SRGAP2B: variants seen among roughly 807,000 people sequenced by gnomAD.
SRGAP2B encodes the protein SLIT-ROBO Rho GTPase activating protein 2B.
Under a neutral mutation model 22.2 loss-of-function variants are expected in SRGAP2B, and 9 were observed. The observed-to-expected ratio is 0.41, with a 90% CI of 0.24 to 0.71. SRGAP2B has a LOEUF of 0.71. Among genes scored for constraint, SRGAP2B ranks in the 30% least tolerant of loss-of-function variants. The pLI is 0.35. For missense variants in SRGAP2B, 114 were observed against 235.8 expected, an observed-to-expected ratio of 0.48 and a Z score of 3.38; for synonymous variants, 36 against 87.4, an observed-to-expected ratio of 0.41 and a Z score of 3.28.
At chr1:144,929,706 AG>A (rs1339169464) in intron 4 of SRGAP2B, among the ~76,000 whole-genome samples, 3 of 151,206 alleles carry the variant, frequency 2.0e-5, no homozygotes, top group Non-Finnish European at 2.9e-5. Context: ...CTAGGATGAT[AG>A]TATCTTCCAC....
At chr1:145,009,007 T>TAA (rs368977396) in intron 2 of SRGAP2B, among the ~76,000 whole-genome samples, 1,507 of 143,916 alleles carry the variant, frequency 0.01, 26 homozygotes, top group Middle Eastern at 0.029. Context: ...CCGTCTCTAC[T>TAA]AAAAAAAAAA....
chr1:144,929,369 A>G (rs1553605451), intron 4 of SRGAP2B, among the ~76,000 whole-genome samples: 2 of 149,884 alleles, frequency 1.3e-5, no homozygotes, highest in East Asian at 3.9e-4. Context: ...CATATGTAAG[A>G]AATCATTGCC....
rs587662198 is a variant in SRGAP2B, at chr1:145,007,126, C to A, written c.68-11926G>T. Among the ~76,000 whole-genome samples the A allele has an allele frequency of 5.1e-4, 77 of 150,666 alleles. 3 individuals carry two copies. In the South Asian group the frequency reaches 6.4e-3, roughly 13 times the overall value. Reference sequence around the variant, plus strand: ...TGCCTAGTAAGCCTCCATTAAAAGGCAACCACGATTCCTCCCATTTCACAA... The same window carrying A: ...TGCCTAGTAAGCCTCCATTAAAAGGAAACCACGATTCCTCCCATTTCACAA... On this transcript the variant is annotated intron_variant, in intron 2 of 9. Coordinates refer to ENST00000612199, the Ensembl canonical transcript of SRGAP2B.
At chr1:144,973,970 T>C in intron 3 of SRGAP2B, among the ~76,000 whole-genome samples, 1 of 150,140 alleles carries the variant, frequency 6.7e-6, no homozygotes, top group Admixed American at 6.6e-5. Context: ...CCTACAAATG[T>C]ACCCACAGAC....
intron 2 of SRGAP2B, among the ~76,000 whole-genome samples, chr1:145,085,154 C>CCATGT (rs1653304669): frequency 6.6e-6 from 1 of 151,642 alleles, no homozygotes; most frequent in Non-Finnish European, 1.5e-5. Context: ...GTTGGCCAGG[C>CCATGT]TGGTCTCGAA....
At chr1:144,985,239 A>G (rs1286195433) in intron 3 of SRGAP2B, among the ~76,000 whole-genome samples, 13 of 134,952 alleles carry the variant, frequency 9.6e-5, no homozygotes, top group Admixed American at 7.6e-4. Flanking sequence ...TCTGTCCTCT[A>G]AGAGTTTAGA....
chr1:144,964,127 CT>C (rs1553611721), intron 3 of SRGAP2B, among the ~76,000 whole-genome samples: 2 of 148,716 alleles, frequency 1.3e-5, no homozygotes, highest in Non-Finnish European at 3.0e-5. Flanking sequence ...TTTATCTTGC[CT>C]TTATTAGAAG....
At chr1:144,906,151 T>C in intron 5 of SRGAP2B, 77 bp from the exon 6 acceptor site, 1 of 692,018 alleles carries the variant, frequency 1.4e-6, no homozygotes, top group Non-Finnish European at 2.6e-6. Context: ...ACTAACAGAC[T>C]CAGCTGGAGC....
At chr1:144,985,403 T>A (rs1477146866) in intron 3 of SRGAP2B, among the ~76,000 whole-genome samples, 4 of 140,646 alleles carry the variant, frequency 2.8e-5, no homozygotes, top group Non-Finnish European at 6.1e-5. Flanking sequence ...CTCTAAAAAC[T>A]CAACAGAAAA....
intron 4 of SRGAP2B, among the ~76,000 whole-genome samples, chr1:144,934,402 T>A (rs1553606063): frequency 1.3e-4 from 8 of 62,370 alleles, no homozygotes; most frequent in African/African-American, 1.9e-4. Context: ...AAACTCCATC[T>A]CAAAAAAAAA....
intron 4 of SRGAP2B, among the ~76,000 whole-genome samples, chr1:144,925,076 C>A (rs1664561965): frequency 6.7e-6 from 1 of 148,816 alleles, no homozygotes; most frequent in Non-Finnish European, 1.5e-5. Context: ...CATCTCGGCT[C>A]ACTGCAACCT....
intron 5 of SRGAP2B, among the ~76,000 whole-genome samples, chr1:144,908,305 G>A: frequency 6.7e-6 from 1 of 150,306 alleles, no homozygotes; most frequent in Non-Finnish European, 1.5e-5. Context: ...TCAAAGAATA[G>A]CACTACCAAG....
intron 7 of SRGAP2B, among the ~76,000 whole-genome samples, chr1:144,904,180 C>A (rs1662818322): frequency 6.7e-6 from 1 of 150,238 alleles, no homozygotes; most frequent in Non-Finnish European, 1.5e-5. Context: ...TTGCGCATAA[C>A]CTTGGACAAG....
At chr1:144,985,581 A>G (rs187229274) in intron 3 of SRGAP2B, among the ~76,000 whole-genome samples, 45 of 151,380 alleles carry the variant, frequency 3.0e-4, no homozygotes, top group African/African-American at 1.1e-3. Context: ...TTCCACTTAA[A>G]AGAGACAATC....
At chr1:144,976,074 G>C in intron 3 of SRGAP2B, among the ~76,000 whole-genome samples, 1 of 148,184 alleles carries the variant, frequency 6.7e-6, no homozygotes, top group East Asian at 2.0e-4. Context: ...AAGAGACAGG[G>C]TTTCACCGTG....
intron 3 of SRGAP2B, among the ~76,000 whole-genome samples, chr1:144,975,376 T>TGA (rs1668820061): frequency 6.7e-6 from 1 of 149,856 alleles, no homozygotes; most frequent in Admixed American, 6.6e-5. Flanking sequence ...CAAGTGGTAT[T>TGA]GAGAGGCTGG....
Position 145,044,934 on chromosome 1 carries a change from G to A in SRGAP2B, c.67+47901C>T, listed in dbSNP as rs1229134334. On this transcript the variant is annotated intron_variant, in intron 2 of 9. Transcript: ENST00000612199. ...CAGATTTACTAGGTGGTAGATCTGA[G>A]GCTACCTATAGAACTTCCTTTGCAG... Among the ~76,000 whole-genome samples, 216 of 150,480 alleles carry A rather than the reference G, an allele frequency of 1.4e-3. 1 individual carries two copies. The highest frequency in any genetic ancestry group is 2.4e-3 in the Non-Finnish European group (163 of 67,774).
intron 3 of SRGAP2B, among the ~76,000 whole-genome samples, chr1:144,993,819 C>T (rs1242146070): frequency 2.7e-5 from 4 of 146,718 alleles, no homozygotes; most frequent in African/African-American, 1.0e-4. Flanking sequence ...AAGATTAACT[C>T]CGATCACAAT....
intron 2 of SRGAP2B, among the ~76,000 whole-genome samples, chr1:145,063,460 T>A (rs1425926738): frequency 8.6e-6 from 1 of 115,672 alleles, no homozygotes; most frequent in Non-Finnish European, 1.8e-5. Flanking sequence ...CCTTCTTCCC[T>A]CCCTCCCAGG....
Sources: gnomAD v4.1 joint callset for allele counts (sites outside exome capture counted in the v4.1 genomes callset) on GRCh38, gnomAD v4.1.1 for gene constraint, MANE v1.5 for transcripts, NCBI Gene and HGNC (gene_info 2026-07-23, HGNC 2026-07-21) for gene names.